The following FBXO25 variants were observed in gnomAD, a reference collection of about 807,000 sequenced individuals.
FBXO25 encodes the protein F-box protein 25.
A neutral mutation model predicts 51.9 loss-of-function variants in FBXO25; 45 were observed. That is an observed-to-expected ratio of 0.87 (90% CI 0.68 to 1.11). FBXO25 has a LOEUF of 1.11. FBXO25 is among the 50% of genes most tolerant of loss of function. FBXO25 has a pLI of 0.00. For missense variants in FBXO25, 507 were observed against 428.5 expected (o/e 1.18, Z -1.62); for synonymous variants, 199 against 151.0 (o/e 1.32, Z -2.33).
intron 5 of FBXO25, 25 bp from the exon 6 acceptor site, chr8:449,965 A>G (rs764165611): frequency 1.3e-6 from 2 of 1,516,598 alleles, no homozygotes; most frequent in Non-Finnish European, 1.8e-6. Flanking sequence ...TATATCGCTC[A>G]GCTTTTTTCC....
chr8:415,092 T>A (rs775610370), intron 2 of FBXO25, among the ~76,000 whole-genome samples: 14 of 152,228 alleles, frequency 9.2e-5, no homozygotes, highest in Non-Finnish European at 1.6e-4. Context: ...AATCACTATA[T>A]AAATGGCCTT....
chr8:440,483 C>T (rs530070786), intron 5 of FBXO25, among the ~76,000 whole-genome samples: 13 of 152,212 alleles, frequency 8.5e-5, no homozygotes, highest in African/African-American at 2.9e-4. Context: ...TCCTGACAGC[C>T]GTGAAGAGCT....
intron 2 of FBXO25, among the ~76,000 whole-genome samples, chr8:422,231 A>G (rs1472462320): frequency 6.6e-6 from 1 of 152,130 alleles, no homozygotes; most frequent in Non-Finnish European, 1.5e-5. Context: ...CCAACCAAGA[A>G]CTCAAAGGTG....
intron 5 of FBXO25, among the ~76,000 whole-genome samples, chr8:442,966 A>G (rs1271599216): frequency 1.3e-5 from 2 of 152,194 alleles, no homozygotes; most frequent in Non-Finnish European, 2.9e-5. Flanking sequence ...ATTAAAGTGT[A>G]TTAGCAAAGT....
chr8:455,197 A>C lies in FBXO25; in HGVS notation c.661-3172A>C, dbSNP rs553408449. On this transcript the variant is annotated intron_variant, in intron 7 of 9. Coordinates refer to ENST00000350302, the MANE Select transcript of FBXO25 (RefSeq NM_183420.2). ...GGTGCAGGGGATTAGGACCAGACTC[A>C]GGGCTTTGTGGGCATTGCAGAGCCT... Among the ~76,000 whole-genome samples, 15 of 152,332 alleles carry C rather than the reference A, an allele frequency of 9.8e-5. No homozygotes were observed. The South Asian group carries it at 2.9e-3, about 29-fold the overall frequency.
intron 5 of FBXO25, among the ~76,000 whole-genome samples, chr8:436,603 G>T (rs1338896152): frequency 6.6e-6 from 1 of 152,110 alleles, no homozygotes; most frequent in Non-Finnish European, 1.5e-5. Context: ...GACTTCCCTG[G>T]TGTTTTCTGA....
At chr8:429,193 GT>G (rs1797673881) in intron 2 of FBXO25, among the ~76,000 whole-genome samples, 1 of 151,426 alleles carries the variant, frequency 6.6e-6, no homozygotes, top group Non-Finnish European at 1.5e-5. Context: ...CCACATGCAT[GT>G]CAACACTTGT....
intron 5 of FBXO25, among the ~76,000 whole-genome samples, chr8:437,389 CCAGCACCCT>C (rs1367598950): frequency 6.6e-6 from 1 of 152,156 alleles, no homozygotes; most frequent in Non-Finnish European, 1.5e-5. Flanking sequence ...CATGGCTGTC[CCAGCACCCT>C]CACAGGTCTG....
intron 5 of FBXO25, among the ~76,000 whole-genome samples, chr8:444,273 G>T (rs1339984274): frequency 1.3e-5 from 2 of 152,174 alleles, no homozygotes; most frequent in Non-Finnish European, 2.9e-5. Context: ...AAAAATAGAG[G>T]TAGTGGATGT....
At chr8:435,555 A>G in intron 4 of FBXO25, 60 bp from the exon 5 acceptor site, 1 of 1,574,438 alleles carries the variant, frequency 6.4e-7, no homozygotes. Context: ...ATTAATTGAC[A>G]TTAACTGCCA....
At chr8:447,206 C>T (rs1008478074) in intron 5 of FBXO25, among the ~76,000 whole-genome samples, 49 of 152,244 alleles carry the variant, frequency 3.2e-4, no homozygotes, top group African/African-American at 1.1e-3. Context: ...CTTCCTGGAT[C>T]CAGTTTTACT....
At chr8:468,184 G>C in intron 9 of FBXO25, 1 of 1,015,740 alleles carries the variant, frequency 9.8e-7, no homozygotes, top group Non-Finnish European at 1.2e-6. Flanking sequence ...CCTTAGGTAT[G>C]TGAGCATGGC....
Position 424,142 on chromosome 8 carries a change from A to G in FBXO25, c.135-7199A>G, listed in dbSNP as rs1434271416. Among the ~76,000 whole-genome samples, 6 of 142,316 alleles carry G rather than the reference A, an allele frequency of 4.2e-5. No individual in the cohort carries two copies. The East Asian group carries it at 1.0e-3, about 24-fold the overall frequency. The allele number at this position is 142,316 out of a possible 152,430, so 93.4% of individuals were successfully genotyped here. ...CATTTTTTTTTTTTTTTTTTGAGACAGAGTCTCACTCTGACACCCAGGCTG... is the reference window on the plus strand; with the variant it reads ...CATTTTTTTTTTTTTTTTTTGAGACGGAGTCTCACTCTGACACCCAGGCTG... On this transcript the variant is annotated intron_variant, in intron 2 of 9. Transcript: ENST00000350302.
In FBXO25 at chr8:476,358, G is replaced by C. The variant is rs1369543362; in HGVS notation, c.*7554G>C. 1 of 152,064 alleles carries C rather than the reference G, an allele frequency of 6.6e-6. No homozygotes were observed. The highest frequency in any genetic ancestry group is 1.5e-5 in the Non-Finnish European group (1 of 67,992). 9.4% of individuals were successfully genotyped at this position (152,064 alleles called of 1,614,324 possible). On this transcript the variant is annotated 3_prime_UTR_variant, in exon 10 of 10. Transcript: ENST00000350302. ...CTTATAGTGTCTTTGTCTGGTTTTG[G>C]TATCAGAATAATGATGGCCTCATAG...
chr8:409,706 A>C (rs1233194807), intron 1 of FBXO25, among the ~76,000 whole-genome samples: 1 of 152,150 alleles, frequency 6.6e-6, no homozygotes, highest in Non-Finnish European at 1.5e-5. Flanking sequence ...AGTCATCCAG[A>C]TAAGGTTCTG....
chr8:470,065 C>G lies in FBXO25; in HGVS notation c.*1261C>G, dbSNP rs181617452. The G allele has an allele frequency of 3.4e-4, 47 of 139,430 alleles. No homozygotes were observed. The highest frequency in any genetic ancestry group is 1.3e-3 in the African/African-American group (43 of 33,574). 8.6% of individuals were successfully genotyped at this position (139,430 alleles called of 1,614,324 possible). A position where few individuals can be genotyped will look rare whatever the true frequency, so the allele number is the denominator to read the frequency against. ...CGTATACCACTGTTACTTCACAACG[C>G]CCCCCGTCCCGACCCTGCCTTTTTT... On this transcript the variant is annotated 3_prime_UTR_variant, in exon 10 of 10. Transcript: ENST00000350302.
intron 5 of FBXO25, among the ~76,000 whole-genome samples, chr8:446,861 A>G (rs558056805): frequency 2.0e-5 from 3 of 152,206 alleles, no homozygotes; most frequent in East Asian, 3.9e-4. Flanking sequence ...GTGGCTCAGT[A>G]TGTGACTTAG....
intron 9 of FBXO25, 39 bp from the exon 10 acceptor site, chr8:468,676 G>C (rs773954860): frequency 4.5e-6 from 7 of 1,565,126 alleles, no homozygotes; most frequent in African/African-American, 1.4e-5. Flanking sequence ...TGTGGCTGGT[G>C]GTGGGGCCCC....
chr8:423,085 C>G (rs1356096844), intron 2 of FBXO25, among the ~76,000 whole-genome samples: 1 of 152,170 alleles, frequency 6.6e-6, no homozygotes, highest in African/African-American at 2.4e-5. Context: ...AACTGAAAAG[C>G]CCCTTCCCTG....
Sources: allele counts gnomAD v4.1 joint callset (sites outside exome capture counted in the v4.1 genomes callset), GRCh38; gene constraint gnomAD v4.1.1; transcripts MANE v1.5; gene names NCBI Gene and HGNC (gene_info 2026-07-23, HGNC 2026-07-21).